KCNIP2: variants seen among roughly 807,000 people sequenced by gnomAD.
KCNIP2 encodes the protein potassium voltage-gated channel interacting protein 2, also known as A-type potassium channel modulatory protein KCNIP2.
Under a neutral mutation model 39.0 loss-of-function variants are expected in KCNIP2, and 19 were observed. The observed-to-expected ratio is 0.49, with a 90% CI of 0.34 to 0.71. The LOEUF (loss-of-function observed/expected upper bound fraction) is 0.71, where lower values mean the gene tolerates loss of function less well. Among genes scored for constraint, KCNIP2 ranks in the 30% least tolerant of loss-of-function variants. The probability of loss-of-function intolerance (pLI) is 0.01; values close to 1 mark genes in which losing one functional copy is unlikely to be tolerated. For missense variants in KCNIP2, 261 were observed against 346.0 expected (o/e 0.75, Z 1.95); for synonymous variants, 111 against 131.2 (o/e 0.85, Z 1.05).
intron 1 of KCNIP2, among the ~76,000 whole-genome samples, chr10:101,836,432 T>C (rs2066165481): frequency 6.6e-6 from 1 of 151,986 alleles, no homozygotes. Context: ...AATAGGGTTT[T>C]GTCATGCTGG....
intron 1 of KCNIP2, among the ~76,000 whole-genome samples, chr10:101,832,334 G>GTC (rs1418334859): frequency 7.1e-6 from 1 of 140,578 alleles, no homozygotes; most frequent in Admixed American, 7.1e-5. Flanking sequence ...GTGTGTGTGT[G>GTC]TGTGTGTCTG....
rs150089108 is a variant in KCNIP2 at position 101,830,887 on chromosome 10, TACAC to T, written c.169+181_169+184del. ...ACGCTCGCGCGCACATGCACACACATACACACGCACAGGCCTGGGGCAGGCCCCA... is the reference window on the plus strand; with the variant it reads ...ACGCTCGCGCGCACATGCACACACATACGCACAGGCCTGGGGCAGGCCCCA... On this transcript the variant is annotated intron_variant, in intron 2 of 9. Transcript: ENST00000356640. Among the ~76,000 whole-genome samples, 758 of 109,582 alleles carry T rather than the reference TACAC, an allele frequency of 6.9e-3. 6 individuals carry two copies. The highest frequency in any genetic ancestry group is 0.025 in the African/African-American group (691 of 27,264). The allele number at this position is 109,582 out of a possible 152,430, so 71.9% of individuals were successfully genotyped here.
chr10:101,831,064 G>T lies in KCNIP2; in HGVS notation c.169+8C>A. ...CCCCGCCCCCGGAAGCACATGAGAG[G>T]CACTTGCTTTCACTGACTGAGGGCA... is the stretch of plus-strand genomic sequence containing the variant. On this transcript the variant is annotated splice_region_variant and intron_variant, in intron 2 of 9. Coordinates refer to ENST00000356640, the MANE Select transcript of KCNIP2 (RefSeq NM_173191.3). 1 of 1,611,716 alleles carries T rather than the reference G, an allele frequency of 6.2e-7. No individual in the cohort carries two copies.
rs2065780564 is a variant in KCNIP2 at position 101,827,489 on chromosome 10, CG to C, written c.766-90del. The C allele has an allele frequency of 4.2e-6, 6 of 1,434,202 alleles. No homozygotes were observed. In the African/African-American group the frequency reaches 7.0e-5, roughly 17 times the overall value. 88.8% of individuals were successfully genotyped at this position (1,434,202 alleles called of 1,614,324 possible). On this transcript the variant is annotated intron_variant, in intron 9 of 9. Transcript: ENST00000356640. Reference sequence around the variant, plus strand: ...AGTGAGAGGGACACTGAGTCACAGACGGGGACATTCAAAAGCACAGAGGAAG... The same window carrying C: ...AGTGAGAGGGACACTGAGTCACAGACGGGACATTCAAAAGCACAGAGGAAG...
Position 101,843,349 on chromosome 10 carries a change from C to A in KCNIP2, c.73+147G>T, listed in dbSNP as rs1159366509. The A allele has an allele frequency of 4.3e-6, 2 of 461,870 alleles. No homozygotes were observed. The highest frequency in any genetic ancestry group is 7.5e-6 in the Non-Finnish European group (2 of 266,180). The allele number at this position is 461,870 out of a possible 1,614,324, so 28.6% of individuals were successfully genotyped here. A position where few individuals can be genotyped will look rare whatever the true frequency, so the allele number is the denominator to read the frequency against. On this transcript the variant is annotated intron_variant, in intron 1 of 9. Transcript: ENST00000356640. This position sits in a 1 kb window ranked among gnomAD's most constrained non-coding sequence, Gnocchi z 6.7. ...CTGCGGGACCCAAGGCTTTGAACCC[C>A]CAGTGTCCTGCCGCCCAGACCGGCC... is the stretch of plus-strand genomic sequence containing the variant.
intron 1 of KCNIP2, among the ~76,000 whole-genome samples, chr10:101,834,564 G>A (rs951440986): frequency 3.4e-5 from 5 of 145,076 alleles, no homozygotes; most frequent in South Asian, 2.1e-4. Context: ...CACAGCCGCC[G>A]CCTCTTCCTC....
chr10:101,843,417 G>A lies in KCNIP2; in HGVS notation c.73+79C>T, dbSNP rs915366177. On this transcript the variant is annotated intron_variant, in intron 1 of 9. Coordinates refer to ENST00000356640, the MANE Select transcript of KCNIP2 (RefSeq NM_173191.3). The surrounding 1 kb of genome is among the most constrained non-coding windows in gnomAD (Gnocchi z 6.7). ...TGGGGCAGAGTGTGGGTGCGGGCCA[G>A]GCCGGGGTCGGAGAGGCGGAAGGGT... 2 of 958,816 alleles carry A rather than the reference G, an allele frequency of 2.1e-6. No homozygotes were observed. Among genetic ancestry groups the A allele is most frequent in the South Asian group, 2.4e-5 (1 of 41,146 alleles). The allele number at this position is 958,816 out of a possible 1,614,324, so 59.4% of individuals were successfully genotyped here.
At chr10:101,829,535 G>C (rs925337719) in intron 3 of KCNIP2, 9 of 483,894 alleles carry the variant, frequency 1.9e-5, no homozygotes, top group Admixed American at 4.0e-5. Context: ...CAGTTCAAGA[G>C]GGGGCGTCTG....
In KCNIP2 at chr10:101,827,956, A is replaced by G. The variant is rs769656412; in HGVS notation, c.635T>C (p.Met212Thr). 3.1e-6 allele frequency: 5 copies of G among 1,614,106 alleles called. No homozygotes were observed. Among genetic ancestry groups the G allele is most frequent in the Non-Finnish European group, 4.2e-6 (5 of 1,179,978 alleles). Reference sequence around the variant, plus strand: ...GAGTGCAGGGTACGTGTACTTGCCCATCATGTCATAGATGGACTTCATGAT... The same window carrying G: ...GAGTGCAGGGTACGTGTACTTGCCCGTCATGTCATAGATGGACTTCATGAT... ...LDIMKSIYDM[M>T]GKYTYPALRE... is the part of the protein sequence containing the mutation. Residue 212 changes from methionine (M) to threonine (T), a missense_variant, in exon 8 of 10, where the codon ATG (methionine) becomes ACG (threonine). Met to Thr is a moderately conservative substitution (Grantham distance 81). Coordinates refer to ENST00000356640, the MANE Select transcript of KCNIP2 (RefSeq NM_173191.3).
chr10:101,839,839 A>C lies in KCNIP2; in HGVS notation c.73+3657T>G, dbSNP rs754841624. The C allele has an allele frequency of 6.2e-6, 10 of 1,600,944 alleles. No homozygotes were observed. The East Asian group carries it at 7.0e-5, about 11-fold the overall frequency. On this transcript the variant is annotated intron_variant, in intron 1 of 9. Coordinates refer to ENST00000356640, the MANE Select transcript of KCNIP2 (RefSeq NM_173191.3). ...CCGGCACCTGCGGGGGCATCGGTTCATGGTTTGGCGGCGAGCTCGGCGTCT... is the reference window on the plus strand; with the variant it reads ...CCGGCACCTGCGGGGGCATCGGTTCCTGGTTTGGCGGCGAGCTCGGCGTCT...
At position 101,831,087 on chromosome 10, in the gene KCNIP2, G is replaced by T. The variant is rs1268879184; in HGVS notation, c.154C>A (p.Pro52Thr). 1 of 1,613,678 alleles carries T rather than the reference G, an allele frequency of 6.2e-7. No individual in the cohort carries two copies. The highest frequency in any genetic ancestry group is 8.5e-7 in the Non-Finnish European group (1 of 1,179,936). The change falls in exon 2 of 10, where the codon CCC becomes ACC. Residue 52 changes from proline (P) to threonine (T), a missense_variant. Pro to Thr is a conservative substitution (Grantham distance 38). Coordinates refer to ENST00000356640, the MANE Select transcript of KCNIP2 (RefSeq NM_173191.3). ...LLPCCGPQAL[P>T]SVSETLAAPA... ...AGGCACTTGCTTTCACTGACTGAGG[G>T]CAGGGCTTGGGGCCCGCAGCACGGC...
At chr10:101,839,707 T>C in intron 1 of KCNIP2, 1 of 1,580,984 alleles carries the variant, frequency 6.3e-7, no homozygotes, top group Non-Finnish European at 8.7e-7. Flanking sequence ...CCCACTTCGC[T>C]CACTTTTTGA....
chr10:101,839,654 T>G lies in KCNIP2; in HGVS notation c.73+3842A>C. 3 of 1,079,754 alleles carry G rather than the reference T, an allele frequency of 2.8e-6. No individual in the cohort carries two copies. In the Admixed American group the frequency reaches 5.2e-5, roughly 19 times the overall value. The allele number at this position is 1,079,754 out of a possible 1,614,324, so 66.9% of individuals were successfully genotyped here. On this transcript the variant is annotated intron_variant, in intron 1 of 9. Transcript: ENST00000356640. ...TTGGAGGGATGTTGCTCCCTCCATC[T>G]ATTTGAGGGGCCCTTCCCTCCCTAC...
intron 9 of KCNIP2, 102 bp downstream of exon 9, chr10:101,827,587 G>A (rs1397318631): frequency 7.2e-7 from 1 of 1,384,910 alleles, no homozygotes; most frequent in Non-Finnish European, 1.0e-6. Flanking sequence ...AAATATGGGG[G>A]TGAGGTGGGA....
chr10:101,843,584 G>A lies in KCNIP2; in HGVS notation c.-16C>T, dbSNP rs374686765. Reference sequence around the variant, plus strand: ...GGCCCCGCATGGCCCCCGGCGCCCCGCTCCCGCCCGGGCCGTGGGAGGGGG... The same window carrying A: ...GGCCCCGCATGGCCCCCGGCGCCCCACTCCCGCCCGGGCCGTGGGAGGGGG... On this transcript the variant is annotated 5_prime_UTR_variant, in exon 1 of 10. Transcript: ENST00000356640. The surrounding 1 kb of genome is among the most constrained non-coding windows in gnomAD (Gnocchi z 6.7). The A allele has an allele frequency of 3.4e-6, 5 of 1,488,286 alleles. No homozygotes were observed. Among genetic ancestry groups the A allele is most frequent in the African/African-American group, 2.9e-5 (2 of 68,472 alleles). 92.2% of individuals were successfully genotyped at this position (1,488,286 alleles called of 1,614,324 possible).
Position 101,828,558 on chromosome 10 carries a change from C to A in KCNIP2, c.418+69G>T. On this transcript the variant is annotated intron_variant, in intron 5 of 9. Transcript: ENST00000356640. This position sits in a 1 kb window ranked among gnomAD's most constrained non-coding sequence, Gnocchi z 6.6. ...CCCCATCACCTTGGCATTCCCAGCT[C>A]CTCCAGAATCCCTCCCTCCCTCAGC... is the stretch of plus-strand genomic sequence containing the variant. The A allele has an allele frequency of 6.3e-7, 1 of 1,599,648 alleles. No individual in the cohort carries two copies. The highest frequency in any genetic ancestry group is 8.6e-7 in the Non-Finnish European group (1 of 1,167,662).
At position 101,839,055 on chromosome 10, in the gene KCNIP2, A is replaced by G. The variant is rs1051013879; in HGVS notation, c.73+4441T>C. On this transcript the variant is annotated intron_variant, in intron 1 of 9. Transcript: ENST00000356640. The stretch of plus-strand genomic sequence containing the variant: ...TACACAACCAACTTAGAGGCTCAGG[A>G]ACCCTCAACCCAGTCCTAAAGTACA... Among the ~76,000 whole-genome samples the G allele has an allele frequency of 2.6e-5, 4 of 152,302 alleles. 1 individual carries two copies. The highest frequency in any genetic ancestry group is 2.6e-4 in the Admixed American group (4 of 15,304).
intron 1 of KCNIP2, among the ~76,000 whole-genome samples, chr10:101,841,844 C>A (rs2066347399): frequency 6.6e-6 from 1 of 152,222 alleles, no homozygotes; most frequent in Admixed American, 6.5e-5. Context: ...TAATGTGATA[C>A]TATTGAAGGC....
At chr10:101,836,463 T>C (rs1027323071) in intron 1 of KCNIP2, among the ~76,000 whole-genome samples, 2 of 151,912 alleles carry the variant, frequency 1.3e-5, no homozygotes, top group Non-Finnish European at 2.9e-5. Context: ...CTCGAACTCC[T>C]GGCCTGAAGT....
Sources: allele counts gnomAD v4.1 joint callset (sites outside exome capture counted in the v4.1 genomes callset), GRCh38; gene constraint gnomAD v4.1.1; non-coding constraint Gnocchi (gnomAD v3.1); transcripts MANE v1.5; gene names NCBI Gene and HGNC (gene_info 2026-07-23, HGNC 2026-07-21).